SRR: variants seen among roughly 807,000 people sequenced by gnomAD.
SRR encodes the protein D-serine ammonia-lyase.
In SRR, 19 loss-of-function variants were observed where a neutral mutation model predicts 32.7. That is an observed-to-expected ratio of 0.58 (90% CI 0.40 to 0.85). The LOEUF (loss-of-function observed/expected upper bound fraction) is 0.85. Among genes scored for constraint, SRR ranks in the 40% least tolerant of loss-of-function variants. The pLI, the probability that SRR is intolerant of heterozygous loss-of-function variation, is 0.00. For synonymous variants in SRR, 142 were observed against 140.9 expected, an observed-to-expected ratio of 1.01 and a Z score of -0.06; for missense variants, 373 against 404.7, an observed-to-expected ratio of 0.92 and a Z score of 0.67.
intron 7 of SRR, 113 bp downstream of exon 7, chr17:2,323,458 G>C: frequency 1.6e-6 from 2 of 1,274,874 alleles, no homozygotes; most frequent in Non-Finnish European, 1.1e-6. Context: ...GTAACTTCAT[G>C]ACATGGGAGG....
intron 6 of SRR, chr17:2,322,581 AG>A (rs1189218168): frequency 1.3e-5 from 2 of 153,224 alleles, no homozygotes; most frequent in East Asian, 3.9e-4. Context: ...GCTCACTGCA[AG>A]CTCCACCTCC....
intron 1 of SRR, among the ~76,000 whole-genome samples, chr17:2,312,805 C>T (rs548249943): frequency 1.3e-5 from 2 of 152,234 alleles, no homozygotes. Flanking sequence ...GTGAAATCTA[C>T]CCTAAGGACT....
intron 1 of SRR, among the ~76,000 whole-genome samples, chr17:2,310,143 G>A (rs1281449080): frequency 6.6e-6 from 1 of 152,106 alleles, no homozygotes; most frequent in Non-Finnish European, 1.5e-5. Context: ...TACTAAGGTA[G>A]TACAAATTGA....
Position 2,315,619 on chromosome 17 carries a change from G to A in SRR, c.59G>A (p.Arg20Gln), listed in dbSNP as rs146168470. 68 of 1,613,744 alleles carry A rather than the reference G, an allele frequency of 4.2e-5. No individual in the cohort carries two copies. In the African/African-American group the frequency reaches 4.7e-4, roughly 11 times the overall value. ...ADVEKAHINIRDSIHLTPVLT... is the reference protein window; with the variant it reads ...ADVEKAHINIQDSIHLTPVLT... ...GTTGAAAAAGCTCATATCAACATTC[G>A]AGATTCTATCCACCTCACACCAGTG... The change falls in exon 2 of 8, where the codon CGA becomes CAA. Residue 20 changes from arginine (R) to glutamine (Q), a missense_variant. Arg to Gln is a conservative substitution (Grantham distance 43, BLOSUM62 1). Transcript: ENST00000344595.
intron 3 of SRR, among the ~76,000 whole-genome samples, 196 bp from the exon 4 acceptor site, chr17:2,318,619 ATTTTTTTTTTT>A (rs35847724): frequency 8.6e-5 from 8 of 92,530 alleles, no homozygotes; most frequent in East Asian, 6.4e-4. Context: ...ATGCCTGGCT[ATTTTTTTTTTT>A]TTTTTTTTTT....
intron 3 of SRR, among the ~76,000 whole-genome samples, chr17:2,318,320 A>G (rs897626353): frequency 2.0e-5 from 3 of 149,768 alleles, no homozygotes; most frequent in African/African-American, 7.4e-5. Context: ...AATTTTTTCT[A>G]TTTTACAAAT....
chr17:2,307,474 G>A (rs1238017658), intron 1 of SRR: 2 of 1,438,784 alleles, frequency 1.4e-6, no homozygotes, highest in Non-Finnish European at 1.9e-6. Flanking sequence ...TGGATATCGT[G>A]CAGTGGGGAT....
At chr17:2,307,805 C>T in intron 1 of SRR, 1 of 715,214 alleles carries the variant, frequency 1.4e-6, no homozygotes, top group Non-Finnish European at 2.5e-6. Flanking sequence ...CTAAGCCAAG[C>T]ACAGTGGTGG....
intron 1 of SRR, among the ~76,000 whole-genome samples, chr17:2,310,237 C>T (rs559800632): frequency 2.6e-5 from 4 of 152,020 alleles, no homozygotes; most frequent in Non-Finnish European, 5.9e-5. Context: ...TTTTTGTATT[C>T]TGGGTTTTGT....
chr17:2,324,074 T>G lies in SRR; in HGVS notation c.*201T>G, dbSNP rs2075557827. Reference sequence around the variant, plus strand: ...TTTTGTCAAGGCTAAAAAAAAGTCTTGCAAAATGGGGCAGTGGACTGACAG... The same window carrying G: ...TTTTGTCAAGGCTAAAAAAAAGTCTGGCAAAATGGGGCAGTGGACTGACAG... On this transcript the variant is annotated 3_prime_UTR_variant, in exon 8 of 8. Coordinates refer to ENST00000344595, the MANE Select transcript of SRR (RefSeq NM_021947.3). The G allele has an allele frequency of 1.2e-5, 17 of 1,382,804 alleles. No individual in the cohort carries two copies. The South Asian group carries it at 2.3e-4, about 19-fold the overall frequency. 85.7% of individuals were successfully genotyped at this position (1,382,804 alleles called of 1,614,324 possible). A position where few individuals can be genotyped will look rare whatever the true frequency, so the allele number is the denominator to read the frequency against.
downstream of SRR, chr17:2,325,264 A>G: frequency 7.0e-7 from 1 of 1,433,358 alleles, no homozygotes; most frequent in Non-Finnish European, 9.6e-7. Context: ...TCATCTATTA[A>G]GGACCTGCAG....
rs1281150051 is a variant in SRR at position 2,324,436 on chromosome 17, C to T, written c.*563C>T. 9.9e-6 allele frequency: 16 copies of T among 1,610,428 alleles called. No individual in the cohort carries two copies. The highest frequency in any genetic ancestry group is 1.4e-5 in the Non-Finnish European group (16 of 1,178,382). ...GTAGAAAATTTTAAAGCAATGACTT[C>T]CAACCCAACAGTCATTTAGCAACAC... is the stretch of plus-strand genomic sequence containing the variant. On this transcript the variant is annotated 3_prime_UTR_variant, in exon 8 of 8. Coordinates refer to ENST00000344595, the MANE Select transcript of SRR (RefSeq NM_021947.3).
chr17:2,313,915 G>C (rs1225020340), intron 1 of SRR, among the ~76,000 whole-genome samples: 2 of 152,142 alleles, frequency 1.3e-5, no homozygotes, highest in African/African-American at 4.8e-5. Context: ...GGAAGGTTTC[G>C]TGGCTATTTT....
intron 1 of SRR, among the ~76,000 whole-genome samples, chr17:2,312,001 G>A (rs1799911574): frequency 1.3e-5 from 2 of 152,112 alleles, no homozygotes; most frequent in Admixed American, 1.3e-4. Context: ...CTTGAGCTCA[G>A]GGGTTTGAGA....
chr17:2,318,019 G>A (rs1428155518), intron 3 of SRR, 23 bp downstream of exon 3: 1 of 1,583,050 alleles, frequency 6.3e-7, no homozygotes, highest in Admixed American at 1.8e-5. Context: ...TCAAGGTACT[G>A]GGTAGATCTT....
At chr17:2,320,276 T>TTA (rs2075515519) in intron 4 of SRR, among the ~76,000 whole-genome samples, 1 of 147,046 alleles carries the variant, frequency 6.8e-6, no homozygotes, top group Non-Finnish European at 1.5e-5. Context: ...TTTTTTTTTT[T>TTA]AGACAGAATC....
chr17:2,306,039 C>T (rs965964242), intron 1 of SRR, among the ~76,000 whole-genome samples: 26 of 141,184 alleles, frequency 1.8e-4, no homozygotes, highest in African/African-American at 5.5e-4. Context: ...ACAAGTTGGC[C>T]GGGCGCGGTG....
In SRR at chr17:2,324,531, G is replaced by A. The variant is rs140102145; in HGVS notation, c.*658G>A. On this transcript the variant is annotated 3_prime_UTR_variant, in exon 8 of 8. Coordinates refer to ENST00000344595, the MANE Select transcript of SRR (RefSeq NM_021947.3). The stretch of plus-strand genomic sequence containing the variant: ...AAAGGTTCCTTGATATGTCCTCTCC[G>A]GCCCCACTTCGTTCTCAGTTCCACT... The A allele has an allele frequency of 7.4e-4, 1,200 of 1,614,068 alleles. No individual in the cohort carries two copies. Among genetic ancestry groups the A allele is most frequent in the Non-Finnish European group, 9.2e-4 (1,082 of 1,180,022 alleles).
chr17:2,311,664 T>C (rs1422859383), intron 1 of SRR, among the ~76,000 whole-genome samples: 1 of 152,074 alleles, frequency 6.6e-6, no homozygotes, highest in African/African-American at 2.4e-5. Context: ...CTCCAATTCA[T>C]TTATACATCT....
Sources: allele counts gnomAD v4.1 joint callset (sites outside exome capture counted in the v4.1 genomes callset), GRCh38; gene constraint gnomAD v4.1.1; transcripts MANE v1.5; gene names NCBI Gene and HGNC (gene_info 2026-07-23, HGNC 2026-07-21).